Variants in SORCS2 observed in about 807,000 individuals in gnomAD.
SORCS2 encodes the protein sortilin related VPS10 domain containing receptor 2.
Under a neutral mutation model 141.6 loss-of-function variants are expected in SORCS2, and 100 were observed. The ratio of observed to expected loss-of-function variants is 0.71; its 90% confidence interval spans 0.60 to 0.83. The LOEUF is 0.83. Among genes scored for constraint, SORCS2 ranks in the 40% least tolerant of loss-of-function variants. The pLI, the probability that SORCS2 is intolerant of heterozygous loss-of-function variation, is 0.00. For missense variants in SORCS2, 1,646 were observed against 1,560.2 expected, an observed-to-expected ratio of 1.05 and a Z score of -0.93; for synonymous variants, 789 against 676.9, an observed-to-expected ratio of 1.17 and a Z score of -2.57.
At chr4:7,596,434 T>C (rs567824293) in intron 3 of SORCS2, among the ~76,000 whole-genome samples, 1 of 152,328 alleles carries the variant, frequency 6.6e-6, no homozygotes, top group South Asian at 2.1e-4. Flanking sequence ...AAAGTGCCCT[T>C]CAGGTGCCAA....
intron 3 of SORCS2, among the ~76,000 whole-genome samples, chr4:7,588,249 G>A (rs1289274319): frequency 6.6e-6 from 1 of 152,194 alleles, no homozygotes; most frequent in African/African-American, 2.4e-5. Flanking sequence ...CTTTGGAGCC[G>A]GCTTCGGGCT....
intron 1 of SORCS2, among the ~76,000 whole-genome samples, chr4:7,344,668 G>A (rs1720554916): frequency 1.3e-5 from 2 of 152,192 alleles, no homozygotes; most frequent in African/African-American, 4.8e-5. Context: ...GGGACCAGCC[G>A]AGTCCTCCCA....
At chr4:7,335,828 A>G (rs1257868787) in intron 1 of SORCS2, among the ~76,000 whole-genome samples, 1 of 152,190 alleles carries the variant, frequency 6.6e-6, no homozygotes, top group Non-Finnish European at 1.5e-5. Flanking sequence ...CCTCTGCTGC[A>G]AGGAGGGATG....
intron 2 of SORCS2, among the ~76,000 whole-genome samples, chr4:7,414,010 A>G (rs1021177055): frequency 4.6e-5 from 7 of 152,194 alleles, no homozygotes; most frequent in African/African-American, 7.2e-5. Context: ...CGAAAGAGCC[A>G]TTTAGGGAAG....
chr4:7,580,813 T>A (rs944467008), intron 3 of SORCS2, among the ~76,000 whole-genome samples: 20 of 152,098 alleles, frequency 1.3e-4, no homozygotes, highest in African/African-American at 4.6e-4. Flanking sequence ...GTTAGACTAG[T>A]CAGAATGTGC....
chr4:7,657,800 G>C (rs1311769491), intron 5 of SORCS2, among the ~76,000 whole-genome samples: 2 of 152,134 alleles, frequency 1.3e-5, no homozygotes, highest in Non-Finnish European at 2.9e-5. Flanking sequence ...GTGAATGAGT[G>C]AGTGAGTGAA....
At chr4:7,486,242 C>T (rs541800120) in intron 2 of SORCS2, among the ~76,000 whole-genome samples, 1 of 37,782 alleles carries the variant, frequency 2.6e-5, no homozygotes, top group Non-Finnish European at 6.3e-5. Context: ...TGGCCCTGCC[C>T]TCCTGTCCCA....
intron 5 of SORCS2, among the ~76,000 whole-genome samples, chr4:7,658,123 TTGAGTGACTGAGTGAGTGACTGAG>T (rs540491022): frequency 4.3e-5 from 6 of 139,572 alleles, no homozygotes; most frequent in Non-Finnish European, 9.4e-5. Flanking sequence ...GAGTCGGTGA[TTGAGTGACTGAGTGAGTGACTGAG>T]TGAGTGACTG....
rs189926960 is a variant in SORCS2, at chr4:7,350,978, A to G, written c.481-45310A>G. Among the ~76,000 whole-genome samples the G allele has an allele frequency of 4.2e-3, 642 of 152,264 alleles. 2 individuals carry two copies. The highest frequency in any genetic ancestry group is 0.015 in the South Asian group (74 of 4,820). On this transcript the variant is annotated intron_variant, in intron 1 of 26. Transcript: ENST00000507866. ...GGAAGGAATGCGCTCCCTGGGGCACACGTGGTCGGGGTGGGGCTGTCGAAA... is the reference window on the plus strand; with the variant it reads ...GGAAGGAATGCGCTCCCTGGGGCACGCGTGGTCGGGGTGGGGCTGTCGAAA...
Position 7,495,763 on chromosome 4 carries a change from C to T in SORCS2, c.549-35767C>T, listed in dbSNP as rs1731577088. On this transcript the variant is annotated intron_variant, in intron 2 of 26. Transcript: ENST00000507866. Reference sequence around the variant, plus strand: ...GGCCTAGGCTCTTGAACAATGCAGGCCCTCTGCACTTCTCCCTCAGCCCCC... The same window carrying T: ...GGCCTAGGCTCTTGAACAATGCAGGTCCTCTGCACTTCTCCCTCAGCCCCC... Among the ~76,000 whole-genome samples the T allele has an allele frequency of 2.0e-5, 3 of 152,312 alleles. No homozygotes were observed. The South Asian group carries it at 6.2e-4, about 32-fold the overall frequency.
chr4:7,494,839 C>G (rs934036453), intron 2 of SORCS2, among the ~76,000 whole-genome samples: 1 of 152,200 alleles, frequency 6.6e-6, no homozygotes, highest in Non-Finnish European at 1.5e-5. Context: ...CAGCAAGGAG[C>G]AGGGGATTGG....
chr4:7,600,656 TACACACACACACACACACACAC>T (rs57789330), intron 3 of SORCS2, among the ~76,000 whole-genome samples: 5 of 140,900 alleles, frequency 3.5e-5, no homozygotes, highest in Non-Finnish European at 6.1e-5. Context: ...CATATATATA[TACACACACACACACACACACAC>T]ACACACACAC....
At chr4:7,574,339 G>A (rs1715604556) in intron 3 of SORCS2, among the ~76,000 whole-genome samples, 1 of 152,240 alleles carries the variant, frequency 6.6e-6, no homozygotes, top group South Asian at 2.1e-4. Context: ...GGTACTCCCT[G>A]AGAACAGCTT....
chr4:7,508,311 T>C (rs970360245), intron 2 of SORCS2, among the ~76,000 whole-genome samples: 2 of 150,380 alleles, frequency 1.3e-5, no homozygotes, highest in Non-Finnish European at 3.0e-5. Context: ...TTCCCACTTA[T>C]CTGTGACAAT....
chr4:7,522,583 G>C (rs10017620), intron 2 of SORCS2, among the ~76,000 whole-genome samples: 1 of 152,048 alleles, frequency 6.6e-6, no homozygotes, highest in Non-Finnish European at 1.5e-5. Context: ...CTCAGTAAGC[G>C]CTGTCGTCCT....
chr4:7,252,011 C>T lies in SORCS2; in HGVS notation c.480+58885C>T, dbSNP rs111666722. 9.7e-3 allele frequency among the ~76,000 whole-genome samples: 1,478 copies of T among 152,274 alleles called. 11 individuals carry two copies. The highest frequency in any genetic ancestry group is 0.017 in the Middle Eastern group (5 of 294). ...CCCCTCTGGCTGAGCCTCCTCTAAA[C>T]GTATGGTGCCAGTCATATCACTTGC... is the stretch of plus-strand genomic sequence containing the variant. On this transcript the variant is annotated intron_variant, in intron 1 of 26. Coordinates refer to ENST00000507866, the MANE Select transcript of SORCS2 (RefSeq NM_020777.3).
intron 1 of SORCS2, among the ~76,000 whole-genome samples, chr4:7,245,394 A>C (rs1490884748): frequency 6.6e-6 from 1 of 152,238 alleles, no homozygotes; most frequent in African/African-American, 2.4e-5. Context: ...TGCCCGTTTC[A>C]GGACTGATAT....
chr4:7,655,788 T>A (rs1171145568), intron 5 of SORCS2, among the ~76,000 whole-genome samples: 1 of 152,178 alleles, frequency 6.6e-6, no homozygotes, highest in East Asian at 1.9e-4. Flanking sequence ...GAGGTGCGAT[T>A]TCTGAGCCAG....
intron 1 of SORCS2, among the ~76,000 whole-genome samples, chr4:7,304,855 TCA>T (rs1717676486): frequency 6.6e-6 from 1 of 152,168 alleles, no homozygotes; most frequent in African/African-American, 2.4e-5. Context: ...AAGAAGAAAC[TCA>T]CAGTGAAGTC....
Sources: allele counts gnomAD v4.1 joint callset (sites outside exome capture counted in the v4.1 genomes callset), GRCh38; gene constraint gnomAD v4.1.1; transcripts MANE v1.5; gene names NCBI Gene and HGNC (gene_info 2026-07-23, HGNC 2026-07-21).